Variants in CD55 observed in about 807,000 individuals in gnomAD.
CD55 encodes the protein CD55 molecule (Cromer blood group).
In CD55, 41 loss-of-function variants were observed where a neutral mutation model predicts 45.8. The ratio of observed to expected loss-of-function variants is 0.90; its 90% CI spans 0.70 to 1.16. The LOEUF is 1.16. Among genes scored for constraint, CD55 ranks in the 50% most tolerant of loss-of-function variants. The pLI is 0.00. For missense variants in CD55, 416 were observed against 469.8 expected (o/e 0.89, Z 1.06); for synonymous variants, 181 against 181.1 (o/e 1.00, Z 0.01).
chr1:207,347,084 C>A (rs537746432), intron 9 of CD55: 1 of 456,136 alleles, frequency 2.2e-6, no homozygotes, highest in Admixed American at 2.3e-5. Flanking sequence ...TTCTAGTGTT[C>A]TCTCTTTGAT....
intron 5 of CD55, among the ~76,000 whole-genome samples, chr1:207,327,235 G>A (rs1213057890): frequency 2.0e-5 from 3 of 152,108 alleles, no homozygotes; most frequent in South Asian, 2.1e-4. Flanking sequence ...TAAAACAAGT[G>A]GCAATGGAAG....
At chr1:207,333,022 T>C (rs1418038736) in intron 6 of CD55, among the ~76,000 whole-genome samples, 2 of 152,156 alleles carry the variant, frequency 1.3e-5, no homozygotes, top group African/African-American at 4.8e-5. Context: ...ACACTGGAAA[T>C]TGAGGCCCTC....
intron 6 of CD55, among the ~76,000 whole-genome samples, chr1:207,333,722 T>C (rs1426582527): frequency 6.6e-6 from 1 of 152,144 alleles, no homozygotes; most frequent in Non-Finnish European, 1.5e-5. Context: ...ATGAATATTC[T>C]ACAACTGGAA....
chr1:207,331,062 T>G (rs762929974), intron 5 of CD55, 46 bp from the exon 6 acceptor site: 1 of 1,280,196 alleles, frequency 7.8e-7, no homozygotes, highest in East Asian at 2.4e-5. Flanking sequence ...GTAAAAATAC[T>G]TTACTAGTTT....
intron 9 of CD55, among the ~76,000 whole-genome samples, chr1:207,339,873 A>G (rs4844379): frequency 0.71 from 107,649 of 152,080 alleles, 38,557 homozygotes; most frequent in Middle Eastern, 0.84. Flanking sequence ...TATGAGGTAC[A>G]TGTGATATTT....
Position 207,322,693 on chromosome 1 carries a change from G to A in CD55, c.286+126G>A, listed in dbSNP as rs917883888. 3 of 753,670 alleles carry A rather than the reference G, an allele frequency of 4.0e-6. No homozygotes were observed. In the African/African-American group the frequency reaches 5.3e-5, roughly 13 times the overall value. The allele number at this position is 753,670 out of a possible 1,614,324, so 46.7% of individuals were successfully genotyped here. On this transcript the variant is annotated intron_variant, in intron 2 of 9. Coordinates refer to ENST00000367064, the MANE Select transcript of CD55 (RefSeq NM_000574.5). ...GTTACTAAACCCCAGGGTATACCCT[G>A]TTGGCACGTCACACTCCAGCTAATT...
chr1:207,342,563 A>G (rs1655470481), intron 9 of CD55, among the ~76,000 whole-genome samples: 1 of 152,138 alleles, frequency 6.6e-6, no homozygotes, highest in Non-Finnish European at 1.5e-5. Context: ...GTCTTGGCAT[A>G]CTAATTTTTT....
chr1:207,347,813 A>G (rs777065506), intron 9 of CD55, among the ~76,000 whole-genome samples: 95 of 152,254 alleles, frequency 6.2e-4, no homozygotes, highest in South Asian at 1.4e-3. Context: ...GTTCCCACTT[A>G]TAGGTGAGAA....
At chr1:207,324,298 ATT>A (rs57832566) in intron 2 of CD55, among the ~76,000 whole-genome samples, 3 of 144,634 alleles carry the variant, frequency 2.1e-5, no homozygotes, top group Admixed American at 1.4e-4. Context: ...GGCAACTTAA[ATT>A]TTTTTTTTTT....
chr1:207,337,634 TA>T (rs995906717), intron 8 of CD55: 9 of 376,888 alleles, frequency 2.4e-5, no homozygotes, highest in Non-Finnish European at 3.3e-5. Context: ...GTGGCCCCAT[TA>T]AAAAAATGCT....
intron 9 of CD55, 124 bp downstream of exon 9, chr1:207,339,541 A>G (rs1226574332): frequency 2.6e-6 from 2 of 762,396 alleles, no homozygotes; most frequent in African/African-American, 1.8e-5. Context: ...TTATTTTTAA[A>G]CTTTTTAGTA....
intron 1 of CD55, chr1:207,322,124 A>G: frequency 1.6e-6 from 1 of 643,982 alleles, no homozygotes; most frequent in Non-Finnish European, 2.9e-6. Context: ...CGGAGCAGCC[A>G]AGCCTGGCAA....
chr1:207,322,147 G>A, intron 1 of CD55: 1 of 661,848 alleles, frequency 1.5e-6, no homozygotes. Flanking sequence ...TCGAAAGGGA[G>A]GGCTCAAAGA....
chr1:207,353,748 G>A (rs1223691881), intron 9 of CD55, among the ~76,000 whole-genome samples: 2 of 152,110 alleles, frequency 1.3e-5, no homozygotes, highest in African/African-American at 4.8e-5. Context: ...AAAATCCAAC[G>A]ATGATGGCAA....
chr1:207,338,131 CCTCT>C lies in CD55; in HGVS notation c.1060+723_1060+726del, dbSNP rs532924906. ...AACATTTCCCCAGCCCATTTTTCTC[CCTCT>C]AAGGCAATTACTGCCCTGAAACTGA... On this transcript the variant is annotated intron_variant, in intron 8 of 9. Transcript: ENST00000367064. Among the ~76,000 whole-genome samples the C allele has an allele frequency of 2.0e-5, 3 of 152,210 alleles. No individual in the cohort carries two copies. The South Asian group carries it at 6.2e-4, about 32-fold the overall frequency.
intron 7 of CD55, chr1:207,337,033 C>G: frequency 1.6e-6 from 1 of 629,006 alleles, no homozygotes; most frequent in Admixed American, 3.0e-5. Context: ...CTACAGGAAC[C>G]CTACCAACTC....
At chr1:207,343,697 G>T (rs1344230242) in intron 9 of CD55, among the ~76,000 whole-genome samples, 1 of 152,182 alleles carries the variant, frequency 6.6e-6, no homozygotes, top group Non-Finnish European at 1.5e-5. Context: ...GGTCTAATGT[G>T]CAATTTAAAT....
rs1158899096 is a variant in CD55, at chr1:207,322,550, T to C, written c.269T>C (p.Ile90Thr). 2.5e-6 allele frequency: 4 copies of C among 1,611,686 alleles called. No homozygotes were observed. The highest frequency in any genetic ancestry group is 3.4e-6 in the Non-Finnish European group (4 of 1,179,230). Residue 90 changes from isoleucine (I) to threonine (T), a missense_variant, in exon 2 of 10, where the codon ATT becomes ACT. Physicochemically the swap from Ile to Thr is moderately conservative, Grantham distance 89. Coordinates refer to ENST00000367064, the MANE Select transcript of CD55 (RefSeq NM_000574.5). ...ICLKGSQWSDIEEFCNRSCEV... is the reference protein window; with the variant it reads ...ICLKGSQWSDTEEFCNRSCEV... ...CTTAAGGGCAGTCAATGGTCAGATATTGAAGAGTTCTGCAATCGTAAGTTC... is the reference window on the plus strand; with the variant it reads ...CTTAAGGGCAGTCAATGGTCAGATACTGAAGAGTTCTGCAATCGTAAGTTC...
At chr1:207,329,546 C>T (rs7548463) in intron 5 of CD55, among the ~76,000 whole-genome samples, 105,253 of 152,060 alleles carry the variant, frequency 0.69, 36,889 homozygotes, top group Middle Eastern at 0.83. Flanking sequence ...GCTTGACACT[C>T]AGGTCTTGCC....
Sources: allele counts gnomAD v4.1 joint callset (sites outside exome capture counted in the v4.1 genomes callset), GRCh38; gene constraint gnomAD v4.1.1; transcripts MANE v1.5; gene names NCBI Gene and HGNC (gene_info 2026-07-23, HGNC 2026-07-21).